ABCA4: variants seen among roughly 807,000 people sequenced by gnomAD.
ABCA4 encodes the protein ATP binding cassette subfamily A member 4.
Under a neutral mutation model 263.7 loss-of-function variants are expected in ABCA4, and 196 were observed. That is an observed-to-expected ratio of 0.74 (90% CI 0.66 to 0.84). The LOEUF is 0.84. Ranked by LOEUF, ABCA4 falls within the 40% of genes least tolerant of loss-of-function variation. ABCA4 has a pLI of 0.00. For synonymous variants in ABCA4, 1,133 were observed against 1,094.2 expected, an observed-to-expected ratio of 1.04 and a Z score of -0.70; for missense variants, 2,792 against 2,855.1, an observed-to-expected ratio of 0.98 and a Z score of 0.50.
At chr1:94,042,112 A>G (rs1050808758) in intron 22 of ABCA4, among the ~76,000 whole-genome samples, 1 of 151,620 alleles carries the variant, frequency 6.6e-6, no homozygotes, top group Non-Finnish European at 1.5e-5. Flanking sequence ...AAAAAAAAAA[A>G]AAAAAAAAGA....
intron 43 of ABCA4, 133 bp downstream of exon 43, chr1:94,007,501 G>A: frequency 1.3e-6 from 1 of 797,402 alleles, no homozygotes; most frequent in Non-Finnish European, 2.2e-6. Flanking sequence ...ATGCTCTCTG[G>A]GAGGCCTCCT....
intron 38 of ABCA4, among the ~76,000 whole-genome samples, chr1:94,012,727 T>A (rs1659580541): frequency 6.6e-6 from 1 of 152,228 alleles, no homozygotes; most frequent in Non-Finnish European, 1.5e-5. Flanking sequence ...CCTCTGCTGC[T>A]CTGTCACACG....
intron 35 of ABCA4, among the ~76,000 whole-genome samples, chr1:94,021,004 G>A (rs547990740): frequency 1.3e-5 from 2 of 152,344 alleles, no homozygotes; most frequent in East Asian, 3.9e-4. Context: ...AAGCCAAAAG[G>A]GAATGGAACC....
At chr1:94,026,844 T>C (rs1384564465) in intron 30 of ABCA4, among the ~76,000 whole-genome samples, 1 of 152,124 alleles carries the variant, frequency 6.6e-6, no homozygotes, top group Non-Finnish European at 1.5e-5. Flanking sequence ...CCACGCCCTC[T>C]GGACTTATTC....
Position 94,021,722 on chromosome 1 carries a change from C to G in ABCA4, c.4774-8G>C. 6.2e-7 allele frequency: 1 copy of G among 1,606,572 alleles called. No homozygotes were observed. Among genetic ancestry groups the G allele is most frequent in the Non-Finnish European group, 8.5e-7 (1 of 1,176,090 alleles). Reference sequence around the variant, plus strand: ...CTCTCTAGTGATAGGGCCCTAAAAACCATGTAAACAAACAAACAAGACGGT... The same window carrying G: ...CTCTCTAGTGATAGGGCCCTAAAAAGCATGTAAACAAACAAACAAGACGGT... On this transcript the variant is annotated splice_polypyrimidine_tract_variant and splice_region_variant and intron_variant, in intron 33 of 49. Coordinates refer to ENST00000370225, the MANE Select transcript of ABCA4 (RefSeq NM_000350.3).
intron 26 of ABCA4, among the ~76,000 whole-genome samples, chr1:94,032,653 C>T (rs1375226874): frequency 6.6e-6 from 1 of 152,018 alleles, no homozygotes; most frequent in African/African-American, 2.4e-5. Context: ...CAAAGAAAAC[C>T]AAACAAACAA....
chr1:94,000,760 C>G, intron 47 of ABCA4, 76 bp downstream of exon 47: 1 of 1,483,846 alleles, frequency 6.7e-7, no homozygotes, highest in South Asian at 1.1e-5. Flanking sequence ...AGGACTCTTC[C>G]AAGTGTCAAT....
Position 94,021,350 on chromosome 1 carries a change from GT to G in ABCA4, c.4907del (p.Asn1636ThrfsTer26). The G allele has an allele frequency of 6.2e-7, 1 of 1,614,194 alleles. No homozygotes were observed. The highest frequency in any genetic ancestry group is 8.5e-7 in the Non-Finnish European group (1 of 1,180,038). ...ALVSFLNVAH[N>X]AILRASLPKD... is the part of the protein sequence containing the mutation. ...TAGGCAGGCTGGCCCGTAAGATGGC[GT>G]TGTGGGCCACATTGAGAAAGCTGAC... On this transcript the variant is annotated frameshift_variant, in exon 35 of 50. Coordinates refer to ENST00000370225, the MANE Select transcript of ABCA4 (RefSeq NM_000350.3). LOFTEE classifies it high-confidence loss of function.
intron 6 of ABCA4, among the ~76,000 whole-genome samples, chr1:94,085,401 T>C (rs1661803442): frequency 1.3e-5 from 2 of 152,362 alleles, no homozygotes; most frequent in South Asian, 2.1e-4. Flanking sequence ...TTAGTGTATA[T>C]GCAAAAATAA....
At chr1:94,117,242 G>A (rs1294044239) in intron 1 of ABCA4, among the ~76,000 whole-genome samples, 1 of 151,940 alleles carries the variant, frequency 6.6e-6, no homozygotes, top group Non-Finnish European at 1.5e-5. Flanking sequence ...GGCAGCCAAG[G>A]CCTAAAATGA....
chr1:94,038,741 G>A (rs1475027552), intron 24 of ABCA4, among the ~76,000 whole-genome samples: 1 of 152,184 alleles, frequency 6.6e-6, no homozygotes, highest in Non-Finnish European at 1.5e-5. Context: ...GCATGTGTCA[G>A]CCTTTCCAGA....
intron 6 of ABCA4, among the ~76,000 whole-genome samples, chr1:94,096,247 C>T (rs1662122167): frequency 6.6e-6 from 1 of 152,194 alleles, no homozygotes; most frequent in South Asian, 2.1e-4. Flanking sequence ...CTCAGAATCT[C>T]TGGGAGTGGG....
intron 1 of ABCA4, among the ~76,000 whole-genome samples, chr1:94,116,350 C>T (rs770631559): frequency 2.1e-4 from 32 of 152,004 alleles, no homozygotes; most frequent in African/African-American, 7.0e-4. Context: ...GAAAACATGC[C>T]GGGGTCTCAG....
At chr1:94,000,686 A>C (rs978311532) in intron 47 of ABCA4, 150 bp downstream of exon 47, 2 of 835,924 alleles carry the variant, frequency 2.4e-6, no homozygotes, top group Non-Finnish European at 4.1e-6. Context: ...GGCCTTCTCC[A>C]TCTGCTGCTG....
At chr1:94,116,971 T>TTTCTTTCC (rs1662789206) in intron 1 of ABCA4, among the ~76,000 whole-genome samples, 1 of 75,466 alleles carries the variant, frequency 1.3e-5, no homozygotes, top group Non-Finnish European at 2.8e-5. Flanking sequence ...TTTCTTTCTC[T>TTTCTTTCC]TTCTTTCTTT....
chr1:94,046,736 C>T (rs1660695482), intron 19 of ABCA4, among the ~76,000 whole-genome samples, 183 bp downstream of exon 19: 1 of 152,196 alleles, frequency 6.6e-6, no homozygotes, highest in Non-Finnish European at 1.5e-5. Context: ...TATTCTACCT[C>T]CCCATCAAGA....
chr1:94,045,765 C>T (rs1570376128), intron 19 of ABCA4: 1 of 456,278 alleles, frequency 2.2e-6, no homozygotes. Context: ...CTGAACCGCC[C>T]TAGAGAACAT....
intron 40 of ABCA4, among the ~76,000 whole-genome samples, chr1:94,010,040 A>G (rs1659504097): frequency 6.6e-6 from 1 of 152,258 alleles, no homozygotes; most frequent in Non-Finnish European, 1.5e-5. Flanking sequence ...CCTGTGGATC[A>G]AAACATAAAA....
Position 93,998,522 on chromosome 1 carries a change from C to T in ABCA4, c.6480-412G>A, listed in dbSNP as rs1459242181. ...AAGAAACAAACCCAAACAAGAACAA[C>T]AAAAAAAGAAATACTGGGGATTAAA... On this transcript the variant is annotated intron_variant, in intron 47 of 49. Coordinates refer to ENST00000370225, the MANE Select transcript of ABCA4 (RefSeq NM_000350.3). Among the ~76,000 whole-genome samples, 9 of 151,764 alleles carry T rather than the reference C, an allele frequency of 5.9e-5. No individual in the cohort carries two copies. The East Asian group carries it at 1.6e-3, about 26-fold the overall frequency.
Sources: gnomAD v4.1 joint callset for allele counts (sites outside exome capture counted in the v4.1 genomes callset) on GRCh38, gnomAD v4.1.1 for gene constraint, MANE v1.5 for transcripts, NCBI Gene and HGNC (gene_info 2026-07-23, HGNC 2026-07-21) for gene names.